The following PSMB7 variants were observed in gnomAD, a reference collection of about 807,000 sequenced individuals.
The protein encoded by PSMB7 is proteasome 20S subunit beta 7.
In PSMB7, 5 loss-of-function variants were observed where a neutral mutation model predicts 28.1. That is an observed-to-expected ratio of 0.18 (90% CI 0.09 to 0.37). The LOEUF is 0.37. Among genes scored for constraint, PSMB7 ranks in the 10% least tolerant of loss-of-function variants. The pLI is 1.00. For missense variants in PSMB7, 275 were observed against 346.2 expected (o/e 0.79, Z 1.63); for synonymous variants, 122 against 123.7 (o/e 0.99, Z 0.09).
chr9:124,404,026 G>T (rs1830938523), intron 5 of PSMB7, among the ~76,000 whole-genome samples: 1 of 151,780 alleles, frequency 6.6e-6, no homozygotes, highest in Non-Finnish European at 1.5e-5. Context: ...CAAGCAACTG[G>T]GACTACAGGC....
chr9:124,367,979 C>T (rs1371503057), intron 6 of PSMB7, among the ~76,000 whole-genome samples: 4 of 152,202 alleles, frequency 2.6e-5, no homozygotes, highest in African/African-American at 9.7e-5. Context: ...ATTATGACAG[C>T]GGCCATCATA....
intron 5 of PSMB7, among the ~76,000 whole-genome samples, chr9:124,387,137 G>A (rs879504624): frequency 2.0e-5 from 3 of 151,982 alleles, no homozygotes; most frequent in East Asian, 3.9e-4. Flanking sequence ...TCCCAGCTAC[G>A]CAGGAGGCTG....
chr9:124,396,222 C>CT (rs1182140448), intron 5 of PSMB7, among the ~76,000 whole-genome samples: 6 of 152,146 alleles, frequency 3.9e-5, no homozygotes, highest in African/African-American at 1.4e-4. Flanking sequence ...CTTTCAAAAT[C>CT]AAGTCATGTG....
chr9:124,369,497 G>A (rs899399092), intron 6 of PSMB7, among the ~76,000 whole-genome samples: 1 of 152,184 alleles, frequency 6.6e-6, no homozygotes, highest in Non-Finnish European at 1.5e-5. Context: ...CACCTCTAAT[G>A]GAACGTGGCA....
chr9:124,356,814 G>T lies in PSMB7; in HGVS notation c.672C>A (p.Asn224Lys). 6.2e-7 allele frequency: 1 copy of T among 1,614,170 alleles called. No individual in the cohort carries two copies. The highest frequency in any genetic ancestry group is 8.5e-7 in the Non-Finnish European group (1 of 1,180,012). ...SNIDLCVISK[N>K]KLDFLRPYTV... ...TGTATGGGCGGAGAAAATCCAGCTT[G>T]TTCTTGCTGATGACGCAGAGGTCAA... The change falls in exon 7 of 8, where the codon AAC (asparagine) becomes AAA (lysine). Residue 224 changes from asparagine to lysine, a missense_variant. This residue lies in a region of PSMB7 where 213 missense variants were observed against 302.4 expected (regional missense o/e 0.70). Coordinates refer to ENST00000259457, the MANE Select transcript of PSMB7 (RefSeq NM_002799.4). This position sits in a 1 kb window ranked among gnomAD's most constrained non-coding sequence, Gnocchi z 4.4.
At chr9:124,380,752 C>G (rs576633848) in intron 6 of PSMB7, among the ~76,000 whole-genome samples, 1 of 152,280 alleles carries the variant, frequency 6.6e-6, no homozygotes, top group South Asian at 2.1e-4. Context: ...GAACTCTACA[C>G]TCAAGATCTG....
At chr9:124,366,044 T>C (rs1379956667) in intron 6 of PSMB7, among the ~76,000 whole-genome samples, 2 of 152,202 alleles carry the variant, frequency 1.3e-5, no homozygotes, top group African/African-American at 2.4e-5. Flanking sequence ...TACACCAATG[T>C]GTGTGTGTTT....
At chr9:124,409,641 C>T (rs1477381647) in intron 4 of PSMB7, among the ~76,000 whole-genome samples, 2 of 152,318 alleles carry the variant, frequency 1.3e-5, no homozygotes, top group East Asian at 1.9e-4. Flanking sequence ...CTGAATTTTA[C>T]GGGGCTCTAA....
chr9:124,391,520 TTG>T, intron 5 of PSMB7, among the ~76,000 whole-genome samples: 1 of 152,210 alleles, frequency 6.6e-6, no homozygotes, highest in South Asian at 2.1e-4. Context: ...GTTGTTTTGC[TTG>T]GAAATTCAAA....
chr9:124,415,414 C>T lies in PSMB7; in HGVS notation c.12G>A (p.Val4=), dbSNP rs958086480. 6.2e-7 allele frequency: 1 copy of T among 1,614,138 alleles called. No homozygotes were observed. Among genetic ancestry groups the T allele is most frequent in the Non-Finnish European group, 8.5e-7 (1 of 1,180,004 alleles). Residue 4 remains valine, a synonymous_variant, in exon 1 of 8, where the codon GTG becomes GTA. Coordinates refer to ENST00000259457, the MANE Select transcript of PSMB7 (RefSeq NM_002799.4). Reference sequence around the variant, plus strand: ...CTCCAACTGGTGGAGCATACACCGACACAGCCGCCATCTTCCCAAGAAAGC... The same window carrying T: ...CTCCAACTGGTGGAGCATACACCGATACAGCCGCCATCTTCCCAAGAAAGC... MAA[V]SVYAPPVGGF...
At chr9:124,362,150 T>C (rs1830470014) in intron 6 of PSMB7, among the ~76,000 whole-genome samples, 1 of 152,262 alleles carries the variant, frequency 6.6e-6, no homozygotes. Flanking sequence ...ATGTGAAAGT[T>C]CATGTATATG....
chr9:124,369,991 T>C (rs1830545593), intron 6 of PSMB7, among the ~76,000 whole-genome samples: 1 of 152,156 alleles, frequency 6.6e-6, no homozygotes, highest in South Asian at 2.1e-4. Context: ...AAAGGGACCA[T>C]GTCTTAAAAC....
chr9:124,408,984 T>C (rs1015320271), intron 4 of PSMB7, among the ~76,000 whole-genome samples: 1 of 152,248 alleles, frequency 6.6e-6, no homozygotes, highest in Non-Finnish European at 1.5e-5. Context: ...CTACAGTCAG[T>C]ACAACTATAA....
At chr9:124,391,454 C>A (rs1830786363) in intron 5 of PSMB7, among the ~76,000 whole-genome samples, 1 of 152,154 alleles carries the variant, frequency 6.6e-6, no homozygotes, top group Non-Finnish European at 1.5e-5. Context: ...TTCAAACTTG[C>A]TTCTTCTTTA....
intron 4 of PSMB7, among the ~76,000 whole-genome samples, chr9:124,411,437 A>G (rs1831026395): frequency 6.6e-6 from 1 of 152,192 alleles, no homozygotes; most frequent in Admixed American, 6.5e-5. Context: ...TAATTCTCAC[A>G]ACCACCCCAC....
intron 7 of PSMB7, among the ~76,000 whole-genome samples, chr9:124,355,769 C>G (rs990322280): frequency 6.6e-6 from 1 of 152,210 alleles, no homozygotes; most frequent in Non-Finnish European, 1.5e-5. Flanking sequence ...ACTCCCCAAC[C>G]CCAGTGCCAG....
At chr9:124,384,119 C>T (rs1440953832) in intron 6 of PSMB7, 1 of 153,880 alleles carries the variant, frequency 6.5e-6, no homozygotes, top group African/African-American at 2.4e-5. Flanking sequence ...AGATGAATCC[C>T]CCACATGTGT....
intron 6 of PSMB7, among the ~76,000 whole-genome samples, chr9:124,361,260 T>C (rs1588567229): frequency 6.6e-6 from 1 of 152,242 alleles, no homozygotes; most frequent in South Asian, 2.1e-4. Context: ...CAGCACTTTA[T>C]AGAGCTATCT....
rs138025524 is a variant in PSMB7, at chr9:124,414,848, G to T, written c.150C>A (p.Val50=). The change falls in exon 2 of 8, where the codon GTC becomes GTA. Residue 50 remains valine, a synonymous_variant. Coordinates refer to ENST00000259457, the MANE Select transcript of PSMB7 (RefSeq NM_002799.4). ...TTAGCCTAACCCGGCTTACCTTATA[G>T]ACCACCCCAGCGATGGTCGTGCCAG... is the stretch of plus-strand genomic sequence containing the variant. ...RKTGTTIAGV[V]YKDGIVLGAD... 149 of 1,613,784 alleles carry T rather than the reference G, an allele frequency of 9.2e-5. No homozygotes were observed. In the African/African-American group the frequency reaches 1.7e-3, roughly 18 times the overall value.
Sources: allele counts gnomAD v4.1 joint callset (sites outside exome capture counted in the v4.1 genomes callset), GRCh38; gene constraint gnomAD v4.1.1; regional missense constraint gnomAD v4.1.1; non-coding constraint Gnocchi (gnomAD v3.1); transcripts MANE v1.5; gene names NCBI Gene and HGNC (gene_info 2026-07-23, HGNC 2026-07-21).